The following SLC13A1 variants were observed in gnomAD, a reference collection of about 807,000 sequenced individuals.
The protein encoded by SLC13A1 is solute carrier family 13 member 1, also known as Na(+)/sulfate cotransporter.
Under a neutral mutation model 70.0 loss-of-function variants are expected in SLC13A1, and 65 were observed. The observed-to-expected ratio is 0.93, with a 90% CI of 0.76 to 1.14. The LOEUF (loss-of-function observed/expected upper bound fraction) is 1.14, where lower values mean the gene tolerates loss of function less well. Among genes scored for constraint, SLC13A1 ranks in the 50% most tolerant of loss-of-function variants. SLC13A1 has a pLI of 0.00. For missense variants in SLC13A1, 726 were observed against 717.8 expected, an observed-to-expected ratio of 1.01 and a Z score of -0.13; for synonymous variants, 275 against 250.5, an observed-to-expected ratio of 1.10 and a Z score of -0.92.
chr7:123,170,672 A>C (rs1019704690), intron 3 of SLC13A1, among the ~76,000 whole-genome samples: 1 of 151,876 alleles, frequency 6.6e-6, no homozygotes, highest in African/African-American at 2.4e-5. Flanking sequence ...TCTGTTGCCC[A>C]GGCTGGAGTG....
chr7:123,153,277 T>A (rs1398722841), intron 6 of SLC13A1, among the ~76,000 whole-genome samples: 2 of 152,130 alleles, frequency 1.3e-5, no homozygotes, highest in Admixed American at 6.6e-5. Context: ...CTACTGCACA[T>A]GAGCTGATGT....
intron 7 of SLC13A1, among the ~76,000 whole-genome samples, chr7:123,141,583 T>A (rs2116382116): frequency 6.6e-6 from 1 of 152,230 alleles, no homozygotes; most frequent in South Asian, 2.1e-4. Context: ...TCTAATAGTA[T>A]CTGCTTTATA....
At chr7:123,146,398 G>T (rs1412216046) in intron 7 of SLC13A1, among the ~76,000 whole-genome samples, 1 of 152,104 alleles carries the variant, frequency 6.6e-6, no homozygotes, top group Non-Finnish European at 1.5e-5. Context: ...TACGGTGCAT[G>T]CCTGTAATCC....
chr7:123,130,874 C>G (rs555792658), intron 8 of SLC13A1, among the ~76,000 whole-genome samples: 5 of 152,156 alleles, frequency 3.3e-5, no homozygotes, highest in Admixed American at 6.5e-5. Flanking sequence ...TAGTGACCTC[C>G]TTCCTCACTA....
chr7:123,192,305 A>G (rs1239615967), intron 1 of SLC13A1, among the ~76,000 whole-genome samples: 3 of 152,136 alleles, frequency 2.0e-5, no homozygotes, highest in Non-Finnish European at 2.9e-5. Context: ...AAGGGGTGAA[A>G]AAGGCAAAGA....
rs114275591 is a variant in SLC13A1 at position 123,125,780 on chromosome 7, G to A, written c.1134-105C>T. The A allele has an allele frequency of 1.3e-4, 96 of 738,658 alleles. No individual in the cohort carries two copies. The African/African-American group carries it at 1.6e-3, about 12-fold the overall frequency. The allele number at this position is 738,658 out of a possible 1,614,324, so 45.8% of individuals were successfully genotyped here. On this transcript the variant is annotated intron_variant, in intron 10 of 14. Transcript: ENST00000194130. ...TATCAGTAATAGGTTATTATCAGTA[G>A]TAGGTGGTGTAGGTTATTTATCCTC...
At chr7:123,154,276 T>C (rs1794646851) in intron 6 of SLC13A1, among the ~76,000 whole-genome samples, 1 of 152,136 alleles carries the variant, frequency 6.6e-6, no homozygotes, top group Non-Finnish European at 1.5e-5. Flanking sequence ...ATTGTGTTTT[T>C]ATTCAATCCC....
At chr7:123,131,855 T>C (rs1793775268) in intron 8 of SLC13A1, among the ~76,000 whole-genome samples, 1 of 152,212 alleles carries the variant, frequency 6.6e-6, no homozygotes, top group Non-Finnish European at 1.5e-5. Flanking sequence ...ATTTTTTTCC[T>C]CATTAAGAGC....
At chr7:123,172,749 G>GT (rs1177151707) in intron 2 of SLC13A1, among the ~76,000 whole-genome samples, 1 of 152,102 alleles carries the variant, frequency 6.6e-6, no homozygotes, top group Non-Finnish European at 1.5e-5. Context: ...ATTTGCAGCA[G>GT]TATTTCTTAA....
At chr7:123,172,000 T>G (rs921672173) in intron 2 of SLC13A1, 96 bp from the exon 3 acceptor site, 24 of 1,088,742 alleles carry the variant, frequency 2.2e-5, no homozygotes, top group Non-Finnish European at 2.7e-5. Context: ...ATTTTGACCT[T>G]CAACCGCATA....
chr7:123,154,966 T>C (rs541488713), intron 6 of SLC13A1, among the ~76,000 whole-genome samples: 1 of 152,274 alleles, frequency 6.6e-6, no homozygotes, highest in South Asian at 2.1e-4. Flanking sequence ...AAGGCAGTTT[T>C]TCTGCTGTCT....
At chr7:123,171,341 G>A (rs566776846) in intron 3 of SLC13A1, among the ~76,000 whole-genome samples, 2 of 152,260 alleles carry the variant, frequency 1.3e-5, no homozygotes, top group Admixed American at 1.3e-4. Context: ...TATTTTGTCA[G>A]TAATGTCTTT....
At chr7:123,119,549 TAAGAG>T (rs1382554473) in intron 12 of SLC13A1, among the ~76,000 whole-genome samples, 1 of 151,998 alleles carries the variant, frequency 6.6e-6, no homozygotes, top group Non-Finnish European at 1.5e-5. Context: ...TAGAGGGCTT[TAAGAG>T]AAGAGCAACC....
chr7:123,135,057 T>C (rs775664012), intron 7 of SLC13A1, among the ~76,000 whole-genome samples: 9 of 152,180 alleles, frequency 5.9e-5, no homozygotes, highest in Non-Finnish European at 1.2e-4. Flanking sequence ...TCCTTTCTGT[T>C]TCTTCTACCC....
At chr7:123,129,017 A>G (rs1793660888) in intron 9 of SLC13A1, 71 bp from the exon 10 acceptor site, 7 of 986,522 alleles carry the variant, frequency 7.1e-6, no homozygotes, top group South Asian at 1.3e-5. Context: ...TCCTTGAGCT[A>G]TTGTCAGGAA....
In SLC13A1 at chr7:123,115,331, A is replaced by T; in HGVS notation, c.*187T>A. On this transcript the variant is annotated 3_prime_UTR_variant, in exon 15 of 15. Coordinates refer to ENST00000194130, the MANE Select transcript of SLC13A1 (RefSeq NM_022444.4). ...TGATGAAGGCACATAGATGCTCTTT[A>T]GTTGCACTGCAATAACAAATATGGA... 1 of 476,996 alleles carries T rather than the reference A, an allele frequency of 2.1e-6. No homozygotes were observed. Among genetic ancestry groups the T allele is most frequent in the Non-Finnish European group, 3.7e-6 (1 of 273,602 alleles). The allele number at this position is 476,996 out of a possible 1,614,324, so 29.5% of individuals were successfully genotyped here.
chr7:123,135,499 C>CATATT (rs1441737511), intron 7 of SLC13A1, among the ~76,000 whole-genome samples: 4 of 151,976 alleles, frequency 2.6e-5, no homozygotes, highest in Admixed American at 6.6e-5. Flanking sequence ...ACATCATTAA[C>CATATT]ATATTTTAAT....
intron 1 of SLC13A1, among the ~76,000 whole-genome samples, chr7:123,182,651 T>TGCTAGCTG (rs1795676924): frequency 6.6e-6 from 1 of 152,130 alleles, no homozygotes; most frequent in Non-Finnish European, 1.5e-5. Flanking sequence ...GAATACATAG[T>TGCTAGCTG]GCTAGCTGGT....
intron 1 of SLC13A1, 65 bp from the exon 2 acceptor site, chr7:123,181,166 C>T (rs1375639280): frequency 1.9e-6 from 3 of 1,542,482 alleles, no homozygotes; most frequent in Admixed American, 3.6e-5. Flanking sequence ...CATTCAAACA[C>T]AAACATGTTT....
Sources: allele counts gnomAD v4.1 joint callset (sites outside exome capture counted in the v4.1 genomes callset), GRCh38; gene constraint gnomAD v4.1.1; transcripts MANE v1.5; gene names NCBI Gene and HGNC (gene_info 2026-07-23, HGNC 2026-07-21).